Variants in CHI3L1 observed in about 807,000 individuals in gnomAD.
CHI3L1 encodes chitinase-3-like protein 1.
In CHI3L1, 30 loss-of-function variants were observed where a neutral mutation model predicts 40.7. The ratio of observed to expected loss-of-function variants is 0.74; its 90% CI spans 0.55 to 1.00. The LOEUF is 1.00. Ranked by LOEUF, CHI3L1 falls within the 50% of genes least tolerant of loss-of-function variation. CHI3L1 has a pLI of 0.00. For missense variants in CHI3L1, 493 were observed against 492.2 expected (o/e 1.00, Z -0.01); for synonymous variants, 210 against 192.1 (o/e 1.09, Z -0.77).
rs368942218 is a variant in CHI3L1, at chr1:203,181,235, C to G, written c.638G>C (p.Arg213Pro). 1 of 1,614,028 alleles carries G rather than the reference C, an allele frequency of 6.2e-7. No homozygotes were observed. The highest frequency in any genetic ancestry group is 2.2e-5 in the East Asian group (1 of 44,870). Residue 213 changes from arginine to proline, a missense_variant, in exon 7 of 10, where the codon CGT (arginine) becomes CCT (proline). Transcript: ENST00000255409. ...GGGACTGTGATGGCCTGTGGTCCCA[C>G]GCCAGGCTCCATGAAAATCGTAGGT... The part of the protein sequence containing the change: ...IMTYDFHGAW[R>P]GTTGHHSPLF...
Position 203,182,773 on chromosome 1 carries a change from T to G in CHI3L1, c.545A>C (p.Lys182Thr). Residue 182 changes from lysine to threonine, a missense_variant, in exon 6 of 10, where the codon AAG becomes ACG. By Grantham distance (78) the Lys-to-Thr change is moderately conservative. Coordinates refer to ENST00000255409, the MANE Select transcript of CHI3L1 (RefSeq NM_001276.4). ...LLLSAALSAG[K>T]VTIDSSYDIA... ...GTCATAGCTGCTGTCAATGGTGACC[T>G]TCCCCGCAGACAGTGCTGCGCTGAG... 1 of 1,614,106 alleles carries G rather than the reference T, an allele frequency of 6.2e-7. No individual in the cohort carries two copies. The highest frequency in any genetic ancestry group is 1.1e-5 in the South Asian group (1 of 91,078).
intron 7 of CHI3L1, among the ~76,000 whole-genome samples, chr1:203,180,944 T>C (rs1020804805): frequency 6.6e-6 from 1 of 152,122 alleles, no homozygotes; most frequent in African/African-American, 2.4e-5. Flanking sequence ...CTCTCCCCAT[T>C]CGGCCCCCTG....
At chr1:203,185,075 C>T (rs909511722) in intron 3 of CHI3L1, 109 bp downstream of exon 3, 35 of 895,798 alleles carry the variant, frequency 3.9e-5, no homozygotes, top group Non-Finnish European at 6.1e-5. Flanking sequence ...CTCTAACTCT[C>T]CAAACATAGG....
At position 203,181,519 on chromosome 1, in the gene CHI3L1, G is replaced by T. The variant is rs759185863; in HGVS notation, c.588-234C>A. The T allele has an allele frequency of 4.2e-5, 15 of 359,050 alleles. No homozygotes were observed. The Admixed American group carries it at 6.5e-4, about 16-fold the overall frequency. The allele number at this position is 359,050 out of a possible 1,614,324, so 22.2% of individuals were successfully genotyped here. A position where few individuals can be genotyped will look rare whatever the true frequency, so the allele number is the denominator to read the frequency against. On this transcript the variant is annotated intron_variant, in intron 6 of 9. Transcript: ENST00000255409. ...ACCTGTAATCCCAGCTACTCGGGAGGCTGAGGCAGGAGAATCGCTTGAACC... is the reference window on the plus strand; with the variant it reads ...ACCTGTAATCCCAGCTACTCGGGAGTCTGAGGCAGGAGAATCGCTTGAACC...
Position 203,182,361 on chromosome 1 carries a change from G to A in CHI3L1, c.587+370C>T, listed in dbSNP as rs578135566. 2.0e-5 allele frequency among the ~76,000 whole-genome samples: 3 copies of A among 152,348 alleles called. No homozygotes were observed. The South Asian group carries it at 6.2e-4, about 32-fold the overall frequency. On this transcript the variant is annotated intron_variant, in intron 6 of 9. Coordinates refer to ENST00000255409, the MANE Select transcript of CHI3L1 (RefSeq NM_001276.4). The stretch of plus-strand genomic sequence containing the variant: ...CAGCACTCTAGAAAGAGGCTGCTGT[G>A]TGGCCTCTCCAGGGCCCAGCACTCT...
chr1:203,183,607 C>T, intron 5 of CHI3L1, 34 bp downstream of exon 5: 1 of 1,611,592 alleles, frequency 6.2e-7, no homozygotes, highest in Non-Finnish European at 8.5e-7. Flanking sequence ...TCATGCCTGC[C>T]CACCTCCCTC....
rs1130572 is a variant in CHI3L1, at chr1:203,179,568, G to A, written c.1029C>T (p.Asp343=). 6 of 1,609,572 alleles carry A rather than the reference G, an allele frequency of 3.7e-6. No individual in the cohort carries two copies. In the South Asian group the frequency reaches 6.6e-5, roughly 18 times the overall value. ...ATACCATGGCGCCCGCCAGCTGCCT[G>A]TCCTTCAGGTACTGCACCTGGCAGG... ...SVKSKVQYLK[D]RQLAGAMVWA... Residue 343 remains aspartate (D), a synonymous_variant, in exon 10 of 10, where the codon GAC becomes GAT. Transcript: ENST00000255409.
Position 203,183,701 on chromosome 1 carries a change from C to T in CHI3L1, c.405G>A (p.Leu135=). ...PFLRTHGFDG[L]DLAWLYPGRR... is the part of the protein sequence containing the mutation. ...GTCCAGGGTAGAGCCAGGCAAGGTC[C>T]AGCCCATCAAAGCCATGGGTGCGCA... Residue 135 remains leucine (L), a synonymous_variant, in exon 5 of 10, where the codon CTG becomes CTA. Coordinates refer to ENST00000255409, the MANE Select transcript of CHI3L1 (RefSeq NM_001276.4). 1 of 1,614,158 alleles carries T rather than the reference C, an allele frequency of 6.2e-7. No homozygotes were observed. The highest frequency in any genetic ancestry group is 1.6e-4 in the Middle Eastern group (1 of 6,062).
At chr1:203,186,055 G>C (rs1656048909) in intron 2 of CHI3L1, among the ~76,000 whole-genome samples, 1 of 152,106 alleles carries the variant, frequency 6.6e-6, no homozygotes, top group Non-Finnish European at 1.5e-5. Context: ...CGGCTCCCAG[G>C]GGCTGTTAGT....
At chr1:203,186,488 C>A (rs1233463279) in intron 1 of CHI3L1, 111 bp downstream of exon 1, 2 of 1,514,616 alleles carry the variant, frequency 1.3e-6, no homozygotes, top group Admixed American at 1.7e-5. Context: ...TGCTTCTCCT[C>A]CCCCTCTGCC....
At position 203,184,501 on chromosome 1, in the gene CHI3L1, G is replaced by T. The variant is rs1025558689; in HGVS notation, c.314+75C>A. The T allele has an allele frequency of 2.5e-6, 3 of 1,217,570 alleles. No homozygotes were observed. In the African/African-American group the frequency reaches 4.5e-5, roughly 18 times the overall value. The allele number at this position is 1,217,570 out of a possible 1,614,324, so 75.4% of individuals were successfully genotyped here. Reference sequence around the variant, plus strand: ...GGAGCCCCTGGAACATCCATACAGTGGATGCGGGAGACCCAAGCTCCTCAC... The same window carrying T: ...GGAGCCCCTGGAACATCCATACAGTTGATGCGGGAGACCCAAGCTCCTCAC... On this transcript the variant is annotated intron_variant, in intron 4 of 9. Transcript: ENST00000255409.
intron 3 of CHI3L1, 26 bp from the exon 4 acceptor site, chr1:203,184,658 G>A (rs1214146394): frequency 6.2e-7 from 1 of 1,602,010 alleles, no homozygotes; most frequent in Non-Finnish European, 8.6e-7. Flanking sequence ...AGGTGGGGAG[G>A]GCAGGAGTGG....
At chr1:203,184,753 C>T (rs1044982772) in intron 3 of CHI3L1, 121 bp from the exon 4 acceptor site, 6 of 765,130 alleles carry the variant, frequency 7.8e-6, no homozygotes, top group South Asian at 1.5e-5. Flanking sequence ...TGGGTTAGGC[C>T]GCTGATGTCC....
chr1:203,181,051 G>A (rs2275352), intron 7 of CHI3L1, 111 bp downstream of exon 7: 262,524 of 1,375,366 alleles, frequency 0.19, 32,528 homozygotes, highest in African/African-American at 0.52. Context: ...TGGGCCTCAT[G>A]ACCCCCCTCT....
intron 9 of CHI3L1, 84 bp from the exon 10 acceptor site, chr1:203,179,669 C>T (rs1295861220): frequency 6.2e-7 from 1 of 1,613,894 alleles, no homozygotes; most frequent in South Asian, 1.1e-5. Context: ...GAGCCCAGCC[C>T]AGACCTCAGT....
At chr1:203,181,135 T>C in intron 7 of CHI3L1, 27 bp downstream of exon 7, 1 of 1,612,634 alleles carries the variant, frequency 6.2e-7, no homozygotes, top group South Asian at 1.1e-5. Context: ...GGCCCCCTCC[T>C]GGCCCTCCCT....
Position 203,185,379 on chromosome 1 carries a change from G to T in CHI3L1, c.62C>A (p.Ala21Glu). ...VVLVLLQCCS[A>E]YKLVCYYTSW... ...GGTGTAGTAGCAGACCAGTTTGTAT[G>T]CAGAGCCTGAAGGAGAAGTCTGGGA... Residue 21 changes from alanine (A) to glutamate (E), a missense_variant, in exon 3 of 10, where the codon GCA becomes GAA. Transcript: ENST00000255409. 6.2e-7 allele frequency: 1 copy of T among 1,613,952 alleles called. No individual in the cohort carries two copies. The highest frequency in any genetic ancestry group is 8.5e-7 in the Non-Finnish European group (1 of 1,179,994).
chr1:203,185,219 C>A lies in CHI3L1; in HGVS notation c.222G>T (p.Val74=). The A allele has an allele frequency of 6.2e-7, 1 of 1,614,144 alleles. No homozygotes were observed. Among genetic ancestry groups the A allele is most frequent in the South Asian group, 1.1e-5 (1 of 91,066 alleles). Reference sequence around the variant, plus strand: ...GTGTGTTGAGCATGCCGTAGAGCGTCACATCATTCCACTCCCAGGTGTCGA... The same window carrying A: ...GTGTGTTGAGCATGCCGTAGAGCGTAACATCATTCCACTCCCAGGTGTCGA... ...DHIDTWEWND[V]TLYGMLNTLK... is the part of the protein sequence containing the mutation. The change falls in exon 3 of 10, where the codon GTG becomes GTT. Residue 74 remains valine (V), a synonymous_variant. Transcript: ENST00000255409.
chr1:203,185,510 A>G (rs1486900893), intron 2 of CHI3L1, 125 bp from the exon 3 acceptor site: 1 of 747,822 alleles, frequency 1.3e-6, no homozygotes, highest in African/African-American at 1.7e-5. Context: ...GATTGTGAGC[A>G]AAGTCAGAAT....
Sources: gnomAD v4.1 joint callset for allele counts (sites outside exome capture counted in the v4.1 genomes callset) on GRCh38, gnomAD v4.1.1 for gene constraint, MANE v1.5 for transcripts, NCBI Gene and HGNC (gene_info 2026-07-23, HGNC 2026-07-21) for gene names.